Variants in SIPA1L1 observed in about 807,000 individuals in gnomAD.
SIPA1L1 encodes signal-induced proliferation-associated 1-like protein 1.
A neutral mutation model predicts 162.7 loss-of-function variants in SIPA1L1; 26 were observed. The ratio of observed to expected loss-of-function variants is 0.16; its 90% confidence interval spans 0.12 to 0.22. The LOEUF is 0.22. SIPA1L1 is among the 10% of genes least tolerant of loss of function. The pLI is 1.00. For missense variants in SIPA1L1, 1,874 were observed against 2,241.0 expected (o/e 0.84, Z 3.31); for synonymous variants, 829 against 837.4 (o/e 0.99, Z 0.17).
chr14:71,584,046 C>T (rs1371447099), intron 4 of SIPA1L1, among the ~76,000 whole-genome samples: 4 of 152,162 alleles, frequency 2.6e-5, no homozygotes, highest in Admixed American at 2.0e-4. Flanking sequence ...TCAGTGCTCA[C>T]ATGCATCCTG....
chr14:71,671,901 CTGTGTGTGTG>C (rs34919280), intron 11 of SIPA1L1, among the ~76,000 whole-genome samples: 1,544 of 142,692 alleles, frequency 0.011, 17 homozygotes, highest in Non-Finnish European at 0.017. Flanking sequence ...CACATTTACT[CTGTGTGTGTG>C]TGTGTGTGTG....
intron 2 of SIPA1L1, among the ~76,000 whole-genome samples, chr14:71,355,643 T>C (rs919770053): frequency 1.3e-5 from 2 of 152,236 alleles, no homozygotes; most frequent in Non-Finnish European, 2.9e-5. Flanking sequence ...AGACTCTTTA[T>C]TGATAGAAAA....
chr14:71,604,604 GGAAA>G (rs1339891729), intron 5 of SIPA1L1, among the ~76,000 whole-genome samples: 1 of 152,094 alleles, frequency 6.6e-6, no homozygotes, highest in East Asian at 1.9e-4. Flanking sequence ...TGCTTGTCTT[GGAAA>G]GACTCTTTTT....
At chr14:71,552,690 AT>A (rs1008645970) in intron 4 of SIPA1L1, among the ~76,000 whole-genome samples, 2 of 151,978 alleles carry the variant, frequency 1.3e-5, no homozygotes, top group African/African-American at 4.8e-5. Context: ...TAAGCTGGTA[AT>A]TTATTGAATG....
At position 71,547,695 on chromosome 14, in the gene SIPA1L1, C is replaced by T. The variant is rs976514359; in HGVS notation, c.-303+18325C>T. ...CCTTTGGGGGGCTTCTTTCCTTCCA[C>T]GCTGCTGGACAGTAGGATGACTCTC... On this transcript the variant is annotated intron_variant, in intron 4 of 23. Coordinates refer to ENST00000381232, the MANE Select transcript of SIPA1L1 (RefSeq NM_001386936.1). Among the ~76,000 whole-genome samples the T allele has an allele frequency of 2.6e-5, 4 of 152,286 alleles. No individual in the cohort carries two copies. In the South Asian group the frequency reaches 6.2e-4, roughly 24 times the overall value.
At chr14:71,581,058 A>G (rs999199384) in intron 4 of SIPA1L1, among the ~76,000 whole-genome samples, 14 of 152,162 alleles carry the variant, frequency 9.2e-5, no homozygotes, top group Admixed American at 2.6e-4. Flanking sequence ...CTTCTGAAAT[A>G]TGGGCCTGTT....
intron 7 of SIPA1L1, among the ~76,000 whole-genome samples, chr14:71,626,720 C>G (rs1032375810): frequency 6.6e-6 from 1 of 152,132 alleles, no homozygotes; most frequent in Non-Finnish European, 1.5e-5. Flanking sequence ...AAACTGGACT[C>G]ATCAGAAGGA....
chr14:71,486,137 A>C (rs1298438487), intron 2 of SIPA1L1, among the ~76,000 whole-genome samples: 1 of 152,248 alleles, frequency 6.6e-6, no homozygotes, highest in Non-Finnish European at 1.5e-5. Flanking sequence ...GAATCATGAA[A>C]TATTTTTAAT....
intron 17 of SIPA1L1, among the ~76,000 whole-genome samples, chr14:71,713,023 G>A (rs117296621): frequency 1.4e-3 from 207 of 152,230 alleles, no homozygotes; most frequent in Non-Finnish European, 2.4e-3. Context: ...GCCAACATGA[G>A]CATAATAGAT....
At chr14:71,334,478 T>C (rs982576129) in intron 2 of SIPA1L1, among the ~76,000 whole-genome samples, 2 of 152,152 alleles carry the variant, frequency 1.3e-5, no homozygotes, top group African/African-American at 4.8e-5. Context: ...TGGGAGAACT[T>C]GGTATGTATG....
intron 4 of SIPA1L1, among the ~76,000 whole-genome samples, chr14:71,578,913 C>T (rs1033539477): frequency 6.6e-5 from 10 of 152,244 alleles, no homozygotes; most frequent in South Asian, 4.1e-4. Flanking sequence ...ACCAGAACCA[C>T]GAGAGGTCAC....
intron 2 of SIPA1L1, among the ~76,000 whole-genome samples, chr14:71,366,324 CAG>C (rs1361928078): frequency 6.6e-6 from 1 of 152,106 alleles, no homozygotes; most frequent in African/African-American, 2.4e-5. Context: ...AGAAGCACTG[CAG>C]AGAGAGAGAA....
chr14:71,662,472 T>G (rs1224338532), intron 10 of SIPA1L1, among the ~76,000 whole-genome samples: 2 of 152,246 alleles, frequency 1.3e-5, no homozygotes, highest in Non-Finnish European at 1.5e-5. Context: ...AGGTAGGTAC[T>G]GCTTTTATCT....
chr14:71,558,124 C>G (rs192042825), intron 4 of SIPA1L1, among the ~76,000 whole-genome samples: 1 of 152,150 alleles, frequency 6.6e-6, no homozygotes, highest in African/African-American at 2.4e-5. Context: ...TGTTTATTGT[C>G]TGTCTCTCAA....
Position 71,740,834 on chromosome 14 carries a change from T to C in SIPA1L1, c.*1673T>C, listed in dbSNP as rs548431164. 1.3e-5 allele frequency: 2 copies of C among 152,352 alleles called. No individual in the cohort carries two copies. Among genetic ancestry groups the C allele is most frequent in the East Asian group, 3.9e-4 (2 of 5,192 alleles). 9.4% of individuals were successfully genotyped at this position (152,352 alleles called of 1,614,324 possible). A position where few individuals can be genotyped will look rare whatever the true frequency, so the allele number is the denominator to read the frequency against. On this transcript the variant is annotated 3_prime_UTR_variant, in exon 24 of 24. Transcript: ENST00000381232. ...GAAGGAGATTGTACATTGCCTGATA[T>C]CTCTTTGTAAATGAGAAATATTGCT... is the stretch of plus-strand genomic sequence containing the variant.
chr14:71,699,104 C>T lies in SIPA1L1; in HGVS notation c.3498C>T (p.Tyr1166=), dbSNP rs762896262. The T allele has an allele frequency of 8.7e-6, 14 of 1,614,214 alleles. No individual in the cohort carries two copies. In the South Asian group the frequency reaches 1.2e-4, roughly 14 times the overall value. The change falls in exon 14 of 24, where the codon TAC becomes TAT. Residue 1166 remains tyrosine (Y), a synonymous_variant. Coordinates refer to ENST00000381232, the MANE Select transcript of SIPA1L1 (RefSeq NM_001386936.1). ...ATACTGGTTCTGTGGGGGGCACTTA[C>T]AGGCAGAAGTCCATGCCCGAAGGGT... ...SSDTGSVGGT[Y]RQKSMPEGFG... is the part of the protein sequence containing the mutation.
chr14:71,587,783 G>A lies in SIPA1L1; in HGVS notation c.-90G>A. On this transcript the variant is annotated 5_prime_UTR_variant, in exon 5 of 24. An upstream open reading frame in the 5' UTR gains an earlier in-frame stop. Transcript: ENST00000381232. ...ATCTCATGCAACTGTTGTATTTTCT[G>A]GAAGCCATTCTCCAAAAGGGAAGTG... is the stretch of plus-strand genomic sequence containing the variant. The A allele has an allele frequency of 8.5e-7, 1 of 1,181,016 alleles. No individual in the cohort carries two copies. Among genetic ancestry groups the A allele is most frequent in the Non-Finnish European group, 1.2e-6 (1 of 835,802 alleles). The allele number at this position is 1,181,016 out of a possible 1,614,324, so 73.2% of individuals were successfully genotyped here.
At chr14:71,657,727 T>C (rs1229687042) in intron 8 of SIPA1L1, among the ~76,000 whole-genome samples, 4 of 152,012 alleles carry the variant, frequency 2.6e-5, no homozygotes, top group Non-Finnish European at 5.9e-5. Flanking sequence ...TTGGAAGTAT[T>C]AGAAAAATGT....
chr14:71,723,581 G>C, intron 17 of SIPA1L1, 66 bp from the exon 18 acceptor site: 1 of 1,590,514 alleles, frequency 6.3e-7, no homozygotes, highest in East Asian at 2.2e-5. Flanking sequence ...CCGTACCCCG[G>C]ACAGCACTTT....
Sources: allele counts gnomAD v4.1 joint callset (sites outside exome capture counted in the v4.1 genomes callset), GRCh38; gene constraint gnomAD v4.1.1; transcripts MANE v1.5; gene names NCBI Gene and HGNC (gene_info 2026-07-23, HGNC 2026-07-21).